Variants in PTAR1 observed in about 807,000 individuals in gnomAD.
The protein encoded by PTAR1 is protein prenyltransferase alpha subunit repeat containing 1.
In PTAR1, 17 loss-of-function variants were observed where a neutral mutation model predicts 45.5. The observed-to-expected ratio is 0.37, with a 90% confidence interval of 0.26 to 0.56. PTAR1 has a LOEUF of 0.56. Among genes scored for constraint, PTAR1 ranks in the 20% least tolerant of loss-of-function variants. The pLI, the probability that PTAR1 is intolerant of heterozygous loss-of-function variation, is 0.77. For synonymous variants in PTAR1, 169 were observed against 171.3 expected (o/e 0.99, Z 0.11); for missense variants, 391 against 476.3 (o/e 0.82, Z 1.67).
intron 1 of PTAR1, among the ~76,000 whole-genome samples, chr9:69,759,355 C>G (rs1826964992): frequency 6.6e-6 from 1 of 152,126 alleles, no homozygotes; most frequent in African/African-American, 2.4e-5. Flanking sequence ...GCAAGTAAGG[C>G]TAAAGTCAAA....
intron 2 of PTAR1, among the ~76,000 whole-genome samples, chr9:69,748,496 C>T (rs1826377385): frequency 6.6e-6 from 1 of 151,696 alleles, no homozygotes; most frequent in African/African-American, 2.4e-5. Flanking sequence ...AACAAGAATT[C>T]AGTTTGGTTA....
chr9:69,750,970 A>G lies in PTAR1; in HGVS notation c.87-20T>C, dbSNP rs1358768555. ...TCATCTCTTAATATGTAAAACATAAAAAAGAATTAAAAATAAGGATACTAA... is the reference window on the plus strand; with the variant it reads ...TCATCTCTTAATATGTAAAACATAAGAAAGAATTAAAAATAAGGATACTAA... On this transcript the variant is annotated intron_variant, in intron 1 of 7. Transcript: ENST00000340434. The G allele has an allele frequency of 1.4e-6, 2 of 1,471,138 alleles. No homozygotes were observed. The highest frequency in any genetic ancestry group is 2.5e-5 in the Admixed American group (1 of 39,708). The allele number at this position is 1,471,138 out of a possible 1,614,324, so 91.1% of individuals were successfully genotyped here.
At chr9:69,746,044 T>C (rs1308305987) in intron 2 of PTAR1, among the ~76,000 whole-genome samples, 3 of 152,196 alleles carry the variant, frequency 2.0e-5, no homozygotes, top group Admixed American at 6.5e-5. Context: ...TAGTAACATA[T>C]ACAACCATAG....
Position 69,724,434 on chromosome 9 carries a change from A to G in PTAR1, c.643-804T>C, listed in dbSNP as rs183834410. Among the ~76,000 whole-genome samples, 34 of 152,358 alleles carry G rather than the reference A, an allele frequency of 2.2e-4. No individual in the cohort carries two copies. The East Asian group carries it at 5.6e-3, about 25-fold the overall frequency. ...TCGCAAACATAAATCAGTGAAAGGT[A>G]TATCAAGTGCCTACCACGTTCCGTC... On this transcript the variant is annotated intron_variant, in intron 5 of 7. Transcript: ENST00000340434.
intron 2 of PTAR1, among the ~76,000 whole-genome samples, chr9:69,749,042 T>A (rs184613967): frequency 8.5e-5 from 13 of 152,278 alleles, no homozygotes; most frequent in African/African-American, 3.1e-4. Context: ...AGATGCCAGC[T>A]ATTCATGTGA....
intron 1 of PTAR1, among the ~76,000 whole-genome samples, chr9:69,754,532 C>CTTTTTTTTTT (rs60025062): frequency 7.9e-5 from 6 of 76,266 alleles, no homozygotes; most frequent in African/African-American, 2.9e-4. Flanking sequence ...GGGTATATAT[C>CTTTTTTTTTT]TTTTTTTTTT....
chr9:69,735,929 T>C (rs1190146978), intron 3 of PTAR1, among the ~76,000 whole-genome samples: 2 of 148,760 alleles, frequency 1.3e-5, no homozygotes, highest in Non-Finnish European at 1.5e-5. Flanking sequence ...AGGAAACCAA[T>C]TTGTCATTAT....
At chr9:69,741,972 T>A in intron 2 of PTAR1, 114 bp from the exon 3 acceptor site, 2 of 659,368 alleles carry the variant, frequency 3.0e-6, no homozygotes, top group Non-Finnish European at 5.3e-6. Context: ...ATATCTCTCA[T>A]GTCATACTAA....
chr9:69,742,895 C>T (rs1382827195), intron 2 of PTAR1, among the ~76,000 whole-genome samples: 1 of 152,084 alleles, frequency 6.6e-6, no homozygotes, highest in Non-Finnish European at 1.5e-5. Flanking sequence ...AATTCCTATA[C>T]ATTCAAATAA....
At position 69,718,322 on chromosome 9, in the gene PTAR1, G is replaced by A. The variant is rs1588440037; in HGVS notation, c.*20C>T. Reference sequence around the variant, plus strand: ...AATATTGCACTAAAAGGGGAACCTTGTAGGACTAATTCACCTCTTTCATTG... The same window carrying A: ...AATATTGCACTAAAAGGGGAACCTTATAGGACTAATTCACCTCTTTCATTG... On this transcript the variant is annotated 3_prime_UTR_variant, in exon 8 of 8. Coordinates refer to ENST00000340434, the MANE Select transcript of PTAR1 (RefSeq NM_001099666.2). 2 of 1,542,614 alleles carry A rather than the reference G, an allele frequency of 1.3e-6. No homozygotes were observed. The highest frequency in any genetic ancestry group is 2.3e-5 in the East Asian group (1 of 44,188).
In PTAR1 at chr9:69,717,552, T is replaced by C. The variant is rs531309489; in HGVS notation, c.*790A>G. ...AGCATTTTTTTCATATAAATTCCAATACTTCTGACTTTGGTAATTGGGTAG... is the reference window on the plus strand; with the variant it reads ...AGCATTTTTTTCATATAAATTCCAACACTTCTGACTTTGGTAATTGGGTAG... On this transcript the variant is annotated 3_prime_UTR_variant, in exon 8 of 8. Transcript: ENST00000340434. The C allele has an allele frequency of 1.3e-5, 2 of 152,330 alleles. No individual in the cohort carries two copies. The highest frequency in any genetic ancestry group is 2.9e-5 in the Non-Finnish European group (2 of 68,022). The allele number at this position is 152,330 out of a possible 1,614,324, so 9.4% of individuals were successfully genotyped here.
chr9:69,734,118 A>C (rs746671663), intron 4 of PTAR1, 32 bp downstream of exon 4: 30 of 1,156,296 alleles, frequency 2.6e-5, no homozygotes, highest in Non-Finnish European at 3.8e-5. Context: ...CTGAATCCTA[A>C]GTAAGAGTAC....
intron 6 of PTAR1, among the ~76,000 whole-genome samples, chr9:69,722,750 C>T (rs1038465675): frequency 6.6e-6 from 1 of 151,694 alleles, no homozygotes; most frequent in African/African-American, 2.4e-5. Context: ...ACCAGCCTGG[C>T]CAACATGGTG....
rs575568505 is a variant in PTAR1 at position 69,752,948 on chromosome 9, A to T, written c.87-1998T>A. Among the ~76,000 whole-genome samples the T allele has an allele frequency of 6.6e-5, 10 of 152,250 alleles. No homozygotes were observed. The East Asian group carries it at 1.9e-3, about 29-fold the overall frequency. On this transcript the variant is annotated intron_variant, in intron 1 of 7. Transcript: ENST00000340434. Reference sequence around the variant, plus strand: ...TCTGATGTTTGTGTTTTACTACATGAAGAATATTAAAAAATAAAGTAAAAC... The same window carrying T: ...TCTGATGTTTGTGTTTTACTACATGTAGAATATTAAAAAATAAAGTAAAAC...
chr9:69,718,592 A>T, intron 7 of PTAR1, 24 bp from the exon 8 acceptor site: 1 of 1,613,598 alleles, frequency 6.2e-7, no homozygotes, highest in East Asian at 2.2e-5. Flanking sequence ...CAAGTCACTC[A>T]AAGTCCCCCC....
Position 69,715,349 on chromosome 9 carries a change from CTT to C in PTAR1, c.*2991_*2992del, listed in dbSNP as rs968634120. On this transcript the variant is annotated 3_prime_UTR_variant, in exon 8 of 8. Transcript: ENST00000340434. ...CTCATTCTTAACACTCACAAACAATCTTTCTCTTCCTGTTAGTCATTCATTAA... is the reference window on the plus strand; with the variant it reads ...CTCATTCTTAACACTCACAAACAATCTCTCTTCCTGTTAGTCATTCATTAA... The C allele has an allele frequency of 2.0e-5, 3 of 152,076 alleles. No homozygotes were observed. Among genetic ancestry groups the C allele is most frequent in the African/African-American group, 7.2e-5 (3 of 41,432 alleles). The allele number at this position is 152,076 out of a possible 1,614,324, so 9.4% of individuals were successfully genotyped here.
At chr9:69,742,695 G>A (rs958790836) in intron 2 of PTAR1, among the ~76,000 whole-genome samples, 1 of 151,966 alleles carries the variant, frequency 6.6e-6, no homozygotes, top group African/African-American at 2.4e-5. Flanking sequence ...CTGGCAAAAG[G>A]AACATGAGTG....
chr9:69,720,446 T>G (rs764209759), intron 6 of PTAR1, among the ~76,000 whole-genome samples: 14 of 152,112 alleles, frequency 9.2e-5, no homozygotes, highest in Non-Finnish European at 2.1e-4. Flanking sequence ...AGAGATTGGA[T>G]CATGAGGTTT....
At position 69,758,546 on chromosome 9, in the gene PTAR1, A is replaced by C. The variant is rs1397892262; in HGVS notation, c.86+1307T>G. ...ACACTCTCATTTTGAAAAAGGCAGC[A>C]GTCATAAGGGGGAGGGAAGTGGATG... On this transcript the variant is annotated intron_variant, in intron 1 of 7. Coordinates refer to ENST00000340434, the MANE Select transcript of PTAR1 (RefSeq NM_001099666.2). The C allele has an allele frequency of 2.2e-5, 4 of 182,492 alleles. No homozygotes were observed. The South Asian group carries it at 2.8e-4, about 13-fold the overall frequency. The allele number at this position is 182,492 out of a possible 1,614,324, so 11.3% of individuals were successfully genotyped here. A position where few individuals can be genotyped will look rare whatever the true frequency, so the allele number is the denominator to read the frequency against.
Sources: gnomAD v4.1 joint callset for allele counts (sites outside exome capture counted in the v4.1 genomes callset) on GRCh38, gnomAD v4.1.1 for gene constraint, MANE v1.5 for transcripts, NCBI Gene and HGNC (gene_info 2026-07-23, HGNC 2026-07-21) for gene names.